DPYD: variants seen among roughly 807,000 people sequenced by gnomAD.
The protein encoded by DPYD is dihydropyrimidine dehydrogenase.
In DPYD, 109 loss-of-function variants were observed where a neutral mutation model predicts 116.2. The ratio of observed to expected loss-of-function variants is 0.94; its 90% confidence interval spans 0.80 to 1.10. The LOEUF is 1.10. Among genes scored for constraint, DPYD ranks in the 50% least tolerant of loss-of-function variants. The probability of loss-of-function intolerance (pLI) is 0.00; values close to 1 mark genes in which losing one functional copy is unlikely to be tolerated. For missense variants in DPYD, 1,302 were observed against 1,254.5 expected (o/e 1.04, Z -0.57); for synonymous variants, 440 against 432.0 (o/e 1.02, Z -0.23).
intron 14 of DPYD, among the ~76,000 whole-genome samples, chr1:97,406,577 A>T (rs1388513892): frequency 3.3e-5 from 1 of 30,190 alleles, no homozygotes; most frequent in Non-Finnish European, 6.1e-5. Context: ...GACAGGCCCC[A>T]GTGTGTGATG....
chr1:97,680,667 C>T (rs1571179739), intron 7 of DPYD, among the ~76,000 whole-genome samples: 1 of 152,100 alleles, frequency 6.6e-6, no homozygotes, highest in African/African-American at 2.4e-5. Flanking sequence ...GCGATCTGGA[C>T]ATCCCACAGA....
At chr1:97,136,543 T>C (rs1470987045) in intron 20 of DPYD, among the ~76,000 whole-genome samples, 1 of 152,098 alleles carries the variant, frequency 6.6e-6, no homozygotes, top group Admixed American at 6.6e-5. Flanking sequence ...TGGGGTATCT[T>C]AGTATCTCTC....
intron 19 of DPYD, among the ~76,000 whole-genome samples, chr1:97,234,228 C>G (rs1435361725): frequency 6.6e-6 from 1 of 151,962 alleles, no homozygotes; most frequent in East Asian, 1.9e-4. Flanking sequence ...CCATGTTGAG[C>G]AACATTATTT....
chr1:97,355,060 T>C (rs551851970), intron 16 of DPYD, among the ~76,000 whole-genome samples: 1 of 152,324 alleles, frequency 6.6e-6, no homozygotes, highest in South Asian at 2.1e-4. Flanking sequence ...CTAATCACCA[T>C]AAAAATCATT....
chr1:97,427,636 G>C (rs1460487475), intron 14 of DPYD, among the ~76,000 whole-genome samples: 1 of 151,528 alleles, frequency 6.6e-6, no homozygotes, highest in African/African-American at 2.4e-5. Context: ...TCCCAGCAGT[G>C]GTCTGTTCCC....
intron 8 of DPYD, among the ~76,000 whole-genome samples, chr1:97,672,135 CTCTG>C (rs1292062049): frequency 6.6e-6 from 1 of 151,852 alleles, no homozygotes; most frequent in African/African-American, 2.4e-5. Context: ...AAATAGACTT[CTCTG>C]TCTATCTTAC....
chr1:97,149,574 G>A (rs1197402597), intron 20 of DPYD, among the ~76,000 whole-genome samples: 1 of 152,088 alleles, frequency 6.6e-6, no homozygotes, highest in Non-Finnish European at 1.5e-5. Context: ...TCTTTCTCCA[G>A]TGTCATTATC....
At chr1:97,475,541 C>T (rs564323500) in intron 13 of DPYD, among the ~76,000 whole-genome samples, 1 of 152,270 alleles carries the variant, frequency 6.6e-6, no homozygotes, top group East Asian at 1.9e-4. Flanking sequence ...AAAGGATTAA[C>T]GGCTGAGTTG....
At chr1:97,180,722 G>T (rs1056200946) in intron 20 of DPYD, among the ~76,000 whole-genome samples, 1 of 152,002 alleles carries the variant, frequency 6.6e-6, no homozygotes, top group South Asian at 2.1e-4. Flanking sequence ...TAAATAAGGT[G>T]CATTCTGATT....
At chr1:97,835,732 T>A (rs1410358626) in intron 2 of DPYD, among the ~76,000 whole-genome samples, 1 of 152,148 alleles carries the variant, frequency 6.6e-6, no homozygotes, top group Non-Finnish European at 1.5e-5. Flanking sequence ...CACAGTATCA[T>A]TATTTCAATA....
chr1:97,772,569 T>C (rs1666199906), intron 3 of DPYD, among the ~76,000 whole-genome samples: 1 of 152,150 alleles, frequency 6.6e-6, no homozygotes, highest in African/African-American at 2.4e-5. Flanking sequence ...AGATGCATTG[T>C]TTGTGTGTGC....
intron 8 of DPYD, among the ~76,000 whole-genome samples, chr1:97,629,595 ACT>A (rs1657130499): frequency 6.6e-6 from 1 of 151,826 alleles, no homozygotes; most frequent in African/African-American, 2.4e-5. Context: ...CATAACTGAC[ACT>A]CTCACTTCTT....
intron 1 of DPYD, among the ~76,000 whole-genome samples, chr1:97,902,073 T>G (rs1673395845): frequency 6.6e-6 from 1 of 151,834 alleles, no homozygotes; most frequent in Non-Finnish European, 1.5e-5. Context: ...GTATGATGAC[T>G]GGCTATTACC....
At chr1:97,802,633 C>A (rs1230033911) in intron 3 of DPYD, among the ~76,000 whole-genome samples, 1 of 151,890 alleles carries the variant, frequency 6.6e-6, no homozygotes, top group Non-Finnish European at 1.5e-5. Flanking sequence ...TCAAGAGACA[C>A]CTGACTTTTG....
intron 5 of DPYD, among the ~76,000 whole-genome samples, chr1:97,716,058 T>A (rs1482669683): frequency 6.6e-6 from 1 of 152,108 alleles, no homozygotes; most frequent in Non-Finnish European, 1.5e-5. Flanking sequence ...TCTTCAAAAC[T>A]GTTTATTATC....
intron 1 of DPYD, among the ~76,000 whole-genome samples, chr1:97,885,027 C>A (rs1354546799): frequency 6.6e-6 from 1 of 151,630 alleles, no homozygotes; most frequent in Non-Finnish European, 1.5e-5. Context: ...ACTACAAAAA[C>A]CCTAAAAATT....
intron 16 of DPYD, among the ~76,000 whole-genome samples, chr1:97,321,661 TG>T (rs1668284977): frequency 3.6e-4 from 1 of 2,756 alleles, no homozygotes; most frequent in Admixed American, 0.014. Flanking sequence ...TCAACCATTG[TG>T]GAAGTCAGTG....
intron 16 of DPYD, among the ~76,000 whole-genome samples, chr1:97,369,083 G>T (rs1671184176): frequency 6.6e-6 from 1 of 152,156 alleles, no homozygotes; most frequent in Admixed American, 6.6e-5. Flanking sequence ...TAGGCTAAAA[G>T]AGGGTTAGTA....
At chr1:97,761,998 C>T (rs1269686237) in intron 3 of DPYD, among the ~76,000 whole-genome samples, 2 of 152,006 alleles carry the variant, frequency 1.3e-5, no homozygotes, top group African/African-American at 4.8e-5. Context: ...GACACTAGGG[C>T]CCACTTGAGG....
Sources: gnomAD v4.1 joint callset for allele counts (sites outside exome capture counted in the v4.1 genomes callset) on GRCh38, gnomAD v4.1.1 for gene constraint, MANE v1.5 for transcripts, NCBI Gene and HGNC (gene_info 2026-07-23, HGNC 2026-07-21) for gene names.